LSAMP: variants seen among roughly 807,000 people sequenced by gnomAD.
LSAMP encodes the protein limbic system-associated membrane protein.
A neutral mutation model predicts 38.6 loss-of-function variants in LSAMP; 7 were observed. That is an observed-to-expected ratio of 0.18 (90% CI 0.10 to 0.34). The LOEUF (loss-of-function observed/expected upper bound fraction) is 0.34, where lower values mean the gene tolerates loss of function less well. LSAMP is among the 10% of genes least tolerant of loss of function. The pLI is 1.00. For synonymous variants in LSAMP, 154 were observed against 166.8 expected, an observed-to-expected ratio of 0.92 and a Z score of 0.59; for missense variants, 313 against 420.0, an observed-to-expected ratio of 0.75 and a Z score of 2.23.
At chr3:116,347,738 G>A (rs973391387) in intron 1 of LSAMP, among the ~76,000 whole-genome samples, 4 of 152,162 alleles carry the variant, frequency 2.6e-5, no homozygotes, top group South Asian at 2.1e-4. Context: ...TAGAACTCAC[G>A]AAGCCCACAG....
intron 1 of LSAMP, among the ~76,000 whole-genome samples, chr3:116,285,748 G>A (rs1036431923): frequency 1.3e-5 from 2 of 152,164 alleles, no homozygotes; most frequent in Non-Finnish European, 1.5e-5. Context: ...CTCATTAAAT[G>A]TCAATGGAAA....
chr3:115,904,722 C>T (rs1215426588), intron 3 of LSAMP, among the ~76,000 whole-genome samples: 1 of 152,082 alleles, frequency 6.6e-6, no homozygotes, highest in South Asian at 2.1e-4. Context: ...AGAACATCAA[C>T]GTTCCTTCCT....
chr3:116,341,753 A>T (rs2047998432), intron 1 of LSAMP, among the ~76,000 whole-genome samples: 1 of 151,906 alleles, frequency 6.6e-6, no homozygotes, highest in African/African-American at 2.4e-5. Context: ...AATATAGAGA[A>T]ATGACTCCCG....
chr3:116,403,732 A>T (rs551714130), intron 1 of LSAMP, among the ~76,000 whole-genome samples: 1 of 151,716 alleles, frequency 6.6e-6, no homozygotes, highest in South Asian at 2.1e-4. Flanking sequence ...CAAAATGTAG[A>T]TTTGGCATAG....
chr3:115,942,312 G>A (rs984212234), intron 3 of LSAMP, among the ~76,000 whole-genome samples: 1 of 152,102 alleles, frequency 6.6e-6, no homozygotes, highest in Non-Finnish European at 1.5e-5. Context: ...ATAGAAACCT[G>A]TATCCCTTTT....
chr3:116,178,590 C>T (rs1404691274), intron 1 of LSAMP, among the ~76,000 whole-genome samples: 1 of 152,120 alleles, frequency 6.6e-6, no homozygotes, highest in Non-Finnish European at 1.5e-5. Context: ...AGGAAATATA[C>T]TATGAATGCT....
chr3:116,131,109 GC>G (rs1192144391), intron 1 of LSAMP, among the ~76,000 whole-genome samples: 1 of 149,984 alleles, frequency 6.7e-6, no homozygotes, highest in African/African-American at 2.5e-5. Flanking sequence ...TCCTGCCTCA[GC>G]CTCCCAAGTA....
chr3:116,252,800 G>A (rs2046701455), intron 1 of LSAMP, among the ~76,000 whole-genome samples: 1 of 152,210 alleles, frequency 6.6e-6, no homozygotes, highest in Non-Finnish European at 1.5e-5. Context: ...ATGTCATCAT[G>A]AACTTATGGG....
At chr3:116,220,185 A>AACACACACACACACACACACACACACAC (rs3974285) in intron 1 of LSAMP, among the ~76,000 whole-genome samples, 52 of 141,458 alleles carry the variant, frequency 3.7e-4, no homozygotes, top group African/African-American at 1.2e-3. Flanking sequence ...TCCATCTCAA[A>AACACACACACACACACACACACACACAC]ACACACACAC....
rs141417145 is a variant in LSAMP at position 115,881,783 on chromosome 3, A to G, written c.515-29166T>C. 4.9e-3 allele frequency among the ~76,000 whole-genome samples: 739 copies of G among 152,260 alleles called. 11 individuals are homozygous for G. Among genetic ancestry groups the G allele is most frequent in the African/African-American group, 0.017 (714 of 41,554 alleles). Reference sequence around the variant, plus strand: ...TTTAGAGTCAGATTGGGTCATACCCATCCCTTCACTCATCTAATAAATATT... The same window carrying G: ...TTTAGAGTCAGATTGGGTCATACCCGTCCCTTCACTCATCTAATAAATATT... On this transcript the variant is annotated intron_variant, in intron 3 of 6. Coordinates refer to ENST00000490035, the MANE Select transcript of LSAMP (RefSeq NM_002338.5).
At chr3:115,952,732 G>A (rs925998957) in intron 3 of LSAMP, among the ~76,000 whole-genome samples, 1 of 152,104 alleles carries the variant, frequency 6.6e-6, no homozygotes, top group Admixed American at 6.6e-5. Flanking sequence ...AAAACTAGAA[G>A]TCCTGGTGTT....
intron 2 of LSAMP, among the ~76,000 whole-genome samples, chr3:116,025,234 G>A (rs1379346551): frequency 1.3e-5 from 2 of 151,934 alleles, no homozygotes; most frequent in Non-Finnish European, 2.9e-5. Flanking sequence ...TATATATAAT[G>A]CCATGAACCA....
At chr3:116,250,217 T>A (rs1333301905) in intron 1 of LSAMP, among the ~76,000 whole-genome samples, 1 of 152,214 alleles carries the variant, frequency 6.6e-6, no homozygotes, top group East Asian at 1.9e-4. Context: ...TAAATACATA[T>A]AATCATTGTA....
At chr3:115,939,530 CTCTT>C (rs377683505) in intron 3 of LSAMP, among the ~76,000 whole-genome samples, 4,762 of 99,654 alleles carry the variant, frequency 0.048, 97 homozygotes, top group South Asian at 0.1. Flanking sequence ...TGTTCTCTTT[CTCTT>C]TCTTTCTTTC....
intron 1 of LSAMP, among the ~76,000 whole-genome samples, chr3:116,105,914 C>A (rs577509376): frequency 6.6e-6 from 1 of 151,652 alleles, no homozygotes; most frequent in Non-Finnish European, 1.5e-5. Flanking sequence ...CTGTTTCAAG[C>A]GGGATTAGGG....
intron 1 of LSAMP, among the ~76,000 whole-genome samples, chr3:116,204,032 T>A (rs1257735299): frequency 6.6e-6 from 1 of 151,666 alleles, no homozygotes; most frequent in African/African-American, 2.4e-5. Context: ...GTAAAAGTGT[T>A]CCTATTTCTC....
At chr3:116,049,365 T>C (rs1941350214) in intron 2 of LSAMP, among the ~76,000 whole-genome samples, 1 of 152,224 alleles carries the variant, frequency 6.6e-6, no homozygotes, top group African/African-American at 2.4e-5. Context: ...TTCTTAAGTG[T>C]GCCATTTTTC....
chr3:116,176,675 A>G (rs1236945879), intron 1 of LSAMP, among the ~76,000 whole-genome samples: 1 of 152,176 alleles, frequency 6.6e-6, no homozygotes, highest in Admixed American at 6.5e-5. Flanking sequence ...TATAACTGGC[A>G]TCATATCTAA....
chr3:115,908,087 A>T (rs1937053663), intron 3 of LSAMP, among the ~76,000 whole-genome samples: 1 of 115,128 alleles, frequency 8.7e-6, no homozygotes. Flanking sequence ...GATAAGAAAG[A>T]TATATATATA....
Sources: allele counts gnomAD v4.1 joint callset (sites outside exome capture counted in the v4.1 genomes callset), GRCh38; gene constraint gnomAD v4.1.1; transcripts MANE v1.5; gene names NCBI Gene and HGNC (gene_info 2026-07-23, HGNC 2026-07-21).